Variants in HIVEP3 observed in about 807,000 individuals in gnomAD.
HIVEP3 encodes the protein HIVEP zinc finger 3, also known as transcription factor HIVEP3.
Under a neutral mutation model 152.8 loss-of-function variants are expected in HIVEP3, and 49 were observed. That is an observed-to-expected ratio of 0.32 (90% confidence interval 0.26 to 0.41). The LOEUF (loss-of-function observed/expected upper bound fraction) is 0.41. Ranked by LOEUF, HIVEP3 falls within the 10% of genes least tolerant of loss-of-function variation. The pLI is 1.00. For missense variants in HIVEP3, 2,790 were observed against 3,103.3 expected, an observed-to-expected ratio of 0.90 and a Z score of 2.40; for synonymous variants, 1,269 against 1,289.0, an observed-to-expected ratio of 0.98 and a Z score of 0.33.
At chr1:41,734,382 A>C (rs1237272640) in intron 1 of HIVEP3, among the ~76,000 whole-genome samples, 1 of 152,218 alleles carries the variant, frequency 6.6e-6, no homozygotes, top group Non-Finnish European at 1.5e-5. Context: ...TGGCCCAGGG[A>C]AGGCGAGAGA....
At chr1:41,950,813 T>TA (rs1031928291) in intron 1 of HIVEP3, among the ~76,000 whole-genome samples, 3 of 152,350 alleles carry the variant, frequency 2.0e-5, no homozygotes, top group Non-Finnish European at 2.9e-5. Flanking sequence ...ACTATTGATT[T>TA]AAAAAATAAA....
rs1450884060 is a variant in HIVEP3, at chr1:41,584,280, AAGG to A, written c.515_517del (p.Ser172del). On this transcript the variant is annotated inframe_deletion, in exon 4 of 9. Transcript: ENST00000372583. This position sits in a 1 kb window ranked among gnomAD's most constrained non-coding sequence, Gnocchi z 5.2. ...CTTGTGTGCCTCTTCTGTGGGCTTC[AAGG>A]AGACCTGGGAAGGACGAGGCACGAA... The A allele has an allele frequency of 6.2e-7, 1 of 1,613,620 alleles. No homozygotes were observed. The highest frequency in any genetic ancestry group is 8.5e-7 in the Non-Finnish European group (1 of 1,179,784).
intron 1 of HIVEP3, among the ~76,000 whole-genome samples, chr1:41,995,184 G>A (rs545097100): frequency 7.3e-5 from 11 of 151,490 alleles, no homozygotes; most frequent in Non-Finnish European, 1.5e-4. Flanking sequence ...AAACCCAATC[G>A]CACTAAGTGG....
In HIVEP3 at chr1:41,513,470, C is replaced by T. The variant is rs779376927; in HGVS notation, c.5751G>A (p.Ser1917=). 9 of 1,610,896 alleles carry T rather than the reference C, an allele frequency of 5.6e-6. No individual in the cohort carries two copies. Among genetic ancestry groups the T allele is most frequent in the South Asian group, 2.2e-5 (2 of 90,970 alleles). The change falls in exon 8 of 9, where the codon TCG becomes TCA. Residue 1917 remains serine, a synonymous_variant. Transcript: ENST00000372583. ...ASGTEATRGS[S]VSEAERLTAS... ...CTGTCAGGCGCTCAGCTTCCGAGACCGAGCTGCCTCGTGTAGCCTCCGTGC... is the reference window on the plus strand; with the variant it reads ...CTGTCAGGCGCTCAGCTTCCGAGACTGAGCTGCCTCGTGTAGCCTCCGTGC...
intron 1 of HIVEP3, among the ~76,000 whole-genome samples, chr1:41,965,401 G>A (rs1181158222): frequency 6.6e-6 from 1 of 152,200 alleles, no homozygotes; most frequent in African/African-American, 2.4e-5. Context: ...ACAGAAGTAG[G>A]CTTCAGAAGG....
At chr1:41,665,707 T>TACACAC (rs10530354) in intron 2 of HIVEP3, among the ~76,000 whole-genome samples, 163 of 128,020 alleles carry the variant, frequency 1.3e-3, no homozygotes, top group Admixed American at 3.3e-3. Context: ...GGAAATGTTA[T>TACACAC]ACACACACAC....
At chr1:41,844,725 C>T (rs555574012) in intron 1 of HIVEP3, among the ~76,000 whole-genome samples, 16 of 152,328 alleles carry the variant, frequency 1.1e-4, no homozygotes, top group African/African-American at 2.2e-4. Flanking sequence ...CAATGTTCCC[C>T]GCTTTTCCCC....
At chr1:41,979,183 G>T (rs541665993) in intron 1 of HIVEP3, among the ~76,000 whole-genome samples, 1 of 152,144 alleles carries the variant, frequency 6.6e-6, no homozygotes, top group Non-Finnish European at 1.5e-5. Context: ...GCCTCCAAAT[G>T]ATTCTTAGGC....
chr1:41,546,978 G>C (rs1643818067), intron 5 of HIVEP3, among the ~76,000 whole-genome samples: 1 of 152,226 alleles, frequency 6.6e-6, no homozygotes, highest in Non-Finnish European at 1.5e-5. Flanking sequence ...ACTGACTGCA[G>C]ATCTACGCAG....
At chr1:41,636,830 A>T (rs1194950044) in intron 2 of HIVEP3, among the ~76,000 whole-genome samples, 1 of 152,128 alleles carries the variant, frequency 6.6e-6, no homozygotes, top group Non-Finnish European at 1.5e-5. Flanking sequence ...ATGGTGGCAC[A>T]TGCCTGTAAT....
At chr1:41,717,567 G>A (rs952783762) in intron 1 of HIVEP3, among the ~76,000 whole-genome samples, 1 of 152,172 alleles carries the variant, frequency 6.6e-6, no homozygotes, top group African/African-American at 2.4e-5. Context: ...AGGGAGCAGG[G>A]GCACAAGGAT....
intron 1 of HIVEP3, among the ~76,000 whole-genome samples, chr1:42,027,763 C>T (rs1428683905): frequency 3.9e-5 from 6 of 152,164 alleles, no homozygotes; most frequent in African/African-American, 1.4e-4. Context: ...AAAGGCACTT[C>T]TTACATGGCG....
chr1:41,712,225 C>T (rs991844152), intron 1 of HIVEP3, among the ~76,000 whole-genome samples: 14 of 152,242 alleles, frequency 9.2e-5, no homozygotes, highest in African/African-American at 3.4e-4. Context: ...CAGTGCCCTG[C>T]GACAAGTGGC....
At chr1:41,810,865 C>T (rs1650916299) in intron 1 of HIVEP3, among the ~76,000 whole-genome samples, 1 of 147,266 alleles carries the variant, frequency 6.8e-6, no homozygotes, top group African/African-American at 2.5e-5. Flanking sequence ...GCCAGGTGGC[C>T]TATGTGGCAT....
intron 3 of HIVEP3, among the ~76,000 whole-genome samples, chr1:41,608,011 C>CT (rs1352057399): frequency 1.3e-5 from 2 of 152,142 alleles, no homozygotes; most frequent in East Asian, 3.8e-4. Flanking sequence ...CTCCTAGCTG[C>CT]TAGGAGGGTG....
At chr1:41,700,406 T>C (rs531469717) in intron 2 of HIVEP3, among the ~76,000 whole-genome samples, 1 of 152,194 alleles carries the variant, frequency 6.6e-6, no homozygotes, top group African/African-American at 2.4e-5. Flanking sequence ...CGTACACATA[T>C]AAGGTGAACA....
chr1:41,781,759 C>T (rs920183981), intron 1 of HIVEP3, among the ~76,000 whole-genome samples: 4 of 152,362 alleles, frequency 2.6e-5, no homozygotes, highest in Non-Finnish European at 4.4e-5. Context: ...TAGCTACTTG[C>T]AGGCTTGGAA....
chr1:41,601,769 G>A (rs1167293723), intron 3 of HIVEP3, among the ~76,000 whole-genome samples: 1 of 151,990 alleles, frequency 6.6e-6, no homozygotes, highest in Admixed American at 6.5e-5. Context: ...TTCCAGTACT[G>A]TCTTGAATAG....
intron 5 of HIVEP3, among the ~76,000 whole-genome samples, chr1:41,548,095 C>T (rs1337282002): frequency 6.6e-6 from 1 of 152,226 alleles, no homozygotes; most frequent in Non-Finnish European, 1.5e-5. Flanking sequence ...GCCAGGTCCT[C>T]AGAGGTGCTT....
Sources: allele counts gnomAD v4.1 joint callset (sites outside exome capture counted in the v4.1 genomes callset), GRCh38; gene constraint gnomAD v4.1.1; non-coding constraint Gnocchi (gnomAD v3.1); transcripts MANE v1.5; gene names NCBI Gene and HGNC (gene_info 2026-07-23, HGNC 2026-07-21).